Variants in TBCD observed in about 807,000 individuals in gnomAD.
TBCD encodes tubulin folding cofactor D, also known as tubulin-specific chaperone D.
TBCD carries 105 observed loss-of-function variants against 169.3 expected under a neutral mutation model. The ratio of observed to expected loss-of-function variants is 0.62; its 90% CI spans 0.53 to 0.73. TBCD has a LOEUF of 0.73. Ranked by LOEUF, TBCD falls within the 30% of genes least tolerant of loss-of-function variation. The probability of loss-of-function intolerance (pLI) is 0.00; values close to 1 mark genes in which losing one functional copy is unlikely to be tolerated. For synonymous variants in TBCD, 700 were observed against 643.9 expected, an observed-to-expected ratio of 1.09 and a Z score of -1.32; for missense variants, 1,444 against 1,600.1, an observed-to-expected ratio of 0.90 and a Z score of 1.66.
intron 1 of TBCD, among the ~76,000 whole-genome samples, chr17:82,755,550 G>C (rs2047359340): frequency 6.6e-6 from 1 of 152,186 alleles, no homozygotes; most frequent in Admixed American, 6.6e-5. Context: ...CTTAAGATCG[G>C]TTTTAATGCT....
At position 82,920,653 on chromosome 17, in the gene TBCD, T is replaced by TA; in HGVS notation, c.2101+36dup. ...TTTGTTTTTAATAATAGCATTTTCT[T>TA]ACAGAATGACTTCAGATTAAAAGGT... On this transcript the variant is annotated intron_variant, in intron 24 of 38. Transcript: ENST00000355528. This position sits in a 1 kb window ranked among gnomAD's most constrained non-coding sequence, Gnocchi z 4.1. 1.3e-6 allele frequency: 2 copies of TA among 1,501,068 alleles called. No individual in the cohort carries two copies. Among genetic ancestry groups the TA allele is most frequent in the Non-Finnish European group, 1.8e-6 (2 of 1,110,252 alleles). The allele number at this position is 1,501,068 out of a possible 1,614,324, so 93.0% of individuals were successfully genotyped here. A position where few individuals can be genotyped will look rare whatever the true frequency, so the allele number is the denominator to read the frequency against.
intron 4 of TBCD, among the ~76,000 whole-genome samples, chr17:82,766,897 C>T (rs1384091056): frequency 1.3e-5 from 2 of 152,246 alleles, no homozygotes; most frequent in Non-Finnish European, 2.9e-5. Context: ...GATGTGACCA[C>T]ACCTGTGAGG....
intron 5 of TBCD, among the ~76,000 whole-genome samples, chr17:82,769,415 A>G (rs1306337715): frequency 2.0e-5 from 3 of 152,152 alleles, no homozygotes; most frequent in Non-Finnish European, 4.4e-5. Context: ...AGCCTACGCA[A>G]GCGAGCACTA....
intron 17 of TBCD, among the ~76,000 whole-genome samples, chr17:82,899,374 CACGT>C (rs773402649): frequency 1.1e-4 from 12 of 106,332 alleles, no homozygotes; most frequent in East Asian, 3.8e-4. Flanking sequence ...GTCCTCAGCG[CACGT>C]GTCCTCAGCA....
At chr17:82,830,713 C>T (rs1369368361) in intron 13 of TBCD, 2 of 1,613,976 alleles carry the variant, frequency 1.2e-6, no homozygotes, top group East Asian at 2.2e-5. Context: ...CTGGGGGCTG[C>T]CTTGGTACGT....
intron 6 of TBCD, among the ~76,000 whole-genome samples, chr17:82,774,669 G>A (rs975814254): frequency 2.0e-5 from 3 of 152,186 alleles, no homozygotes; most frequent in Non-Finnish European, 4.4e-5. Context: ...CGGCGGCCGG[G>A]CGGGGGCTGC....
chr17:82,780,287 G>A (rs932930076), intron 6 of TBCD, among the ~76,000 whole-genome samples: 16 of 151,746 alleles, frequency 1.1e-4, no homozygotes, highest in Admixed American at 8.5e-4. Context: ...ATGCCCTCCC[G>A]TTTCCTTCGT....
intron 13 of TBCD, chr17:82,865,444 C>A: frequency 3.0e-6 from 3 of 984,620 alleles, no homozygotes; most frequent in Non-Finnish European, 3.6e-6. Context: ...CGGGGAGACA[C>A]CCCCTGCCCA....
intron 1 of TBCD, among the ~76,000 whole-genome samples, chr17:82,754,108 C>A (rs554837335): frequency 6.6e-6 from 1 of 151,570 alleles, no homozygotes; most frequent in Admixed American, 6.6e-5. Context: ...ATCTCCTGAC[C>A]TCGTGATCCA....
At chr17:82,826,177 A>G (rs1008394464) in intron 13 of TBCD, among the ~76,000 whole-genome samples, 6 of 152,168 alleles carry the variant, frequency 3.9e-5, no homozygotes, top group African/African-American at 9.7e-5. Context: ...TTGTATGGCC[A>G]TAAGATGCTA....
chr17:82,917,638 C>T (rs144089690), intron 23 of TBCD, among the ~76,000 whole-genome samples: 5 of 152,328 alleles, frequency 3.3e-5, no homozygotes, highest in African/African-American at 7.2e-5. Context: ...TGCTTGCTGT[C>T]GGGGTCACCT....
chr17:82,910,949 T>C (rs1374952379), intron 22 of TBCD, among the ~76,000 whole-genome samples: 3 of 152,174 alleles, frequency 2.0e-5, no homozygotes, highest in Non-Finnish European at 2.9e-5. Context: ...AGCCTCCCTT[T>C]CTGCCTCCTA....
intron 6 of TBCD, among the ~76,000 whole-genome samples, chr17:82,777,374 CAA>C (rs1300772566): frequency 1.3e-5 from 2 of 152,102 alleles, no homozygotes; most frequent in African/African-American, 2.4e-5. Context: ...AGACACAAGA[CAA>C]AGAGATAAAA....
chr17:82,926,873 G>A (rs535459797), intron 28 of TBCD: 33 of 500,352 alleles, frequency 6.6e-5, no homozygotes, highest in African/African-American at 1.3e-4. Context: ...GCAGTCCCGC[G>A]GGGGCCACGC....
At chr17:82,826,534 G>C (rs1785855414) in intron 13 of TBCD, among the ~76,000 whole-genome samples, 1 of 151,950 alleles carries the variant, frequency 6.6e-6, no homozygotes, top group Non-Finnish European at 1.5e-5. Flanking sequence ...TCCTGCCTCA[G>C]CCTCTCAAGT....
intron 20 of TBCD, among the ~76,000 whole-genome samples, chr17:82,907,483 G>T (rs770321394): frequency 2.0e-4 from 30 of 152,202 alleles, no homozygotes; most frequent in Non-Finnish European, 4.3e-4. Flanking sequence ...AGGAGTTTGA[G>T]ACCAGCCTGG....
chr17:82,801,790 C>T (rs1411278247), intron 9 of TBCD, among the ~76,000 whole-genome samples: 3 of 129,508 alleles, frequency 2.3e-5, no homozygotes, highest in Non-Finnish European at 4.8e-5. Context: ...GCGTGTGCAT[C>T]GTCGTGTGGC....
At chr17:82,843,387 C>T (rs1050308164) in intron 13 of TBCD, among the ~76,000 whole-genome samples, 71 of 135,058 alleles carry the variant, frequency 5.3e-4, no homozygotes, top group African/African-American at 2.0e-3. Flanking sequence ...CTTATCATTC[C>T]CTTCCCCTCC....
chr17:82,780,145 C>T (rs998508555), intron 6 of TBCD, among the ~76,000 whole-genome samples: 5 of 151,928 alleles, frequency 3.3e-5, no homozygotes, highest in East Asian at 2.0e-4. Flanking sequence ...CTTTGCAGTT[C>T]GCGAGTTCCC....
Sources: gnomAD v4.1 joint callset for allele counts (sites outside exome capture counted in the v4.1 genomes callset) on GRCh38, gnomAD v4.1.1 for gene constraint, Gnocchi (gnomAD v3.1) non-coding constraint, MANE v1.5 for transcripts, NCBI Gene and HGNC (gene_info 2026-07-23, HGNC 2026-07-21) for gene names.